The following BCAN variants were observed in gnomAD, a reference collection of about 807,000 sequenced individuals.
BCAN encodes the protein brevican core protein.
A neutral mutation model predicts 92.4 loss-of-function variants in BCAN; 51 were observed. The observed-to-expected ratio is 0.55, with a 90% CI of 0.44 to 0.70. BCAN has a LOEUF of 0.70. Ranked by LOEUF, BCAN falls within the 30% of genes least tolerant of loss-of-function variation. The pLI is 0.00. For synonymous variants in BCAN, 501 were observed against 505.2 expected (o/e 0.99, Z 0.11); for missense variants, 1,140 against 1,212.1 (o/e 0.94, Z 0.88).
Position 156,647,668 on chromosome 1 carries a change from G to A in BCAN, c.627G>A (p.Ser209=), listed in dbSNP as rs143146021. ...AGCAATGTGATGCTGGCTGGCTGTC[G>A]GATCAGACCGTGAGGTGGGCAGGGG... The part of the protein sequence containing the change: ...GYEQCDAGWL[S]DQTVRYPIQT... The change falls in exon 4 of 14, where the codon TCG becomes TCA. Residue 209 remains serine (S), a synonymous_variant. Transcript: ENST00000329117. The surrounding 1 kb of genome is among the most constrained non-coding windows in gnomAD (Gnocchi z 4.8). The A allele has an allele frequency of 7.0e-5, 111 of 1,594,198 alleles. No individual in the cohort carries two copies. In the East Asian group the frequency reaches 1.0e-3, roughly 14 times the overall value.
At chr1:156,657,230 T>C (rs1012820909) in intron 10 of BCAN, 134 bp downstream of exon 10, 127 of 1,128,016 alleles carry the variant, frequency 1.1e-4, no homozygotes, top group Non-Finnish European at 1.5e-4. Flanking sequence ...CACTCATTCG[T>C]TCACTCCCCT....
In BCAN at chr1:156,647,905, T is replaced by C; in HGVS notation, c.642-78T>C. On this transcript the variant is annotated intron_variant, in intron 4 of 13. Coordinates refer to ENST00000329117, the MANE Select transcript of BCAN (RefSeq NM_021948.5). This position sits in a 1 kb window ranked among gnomAD's most constrained non-coding sequence, Gnocchi z 4.8. The stretch of plus-strand genomic sequence containing the variant: ...GCAAGTGTCTGCACTGTGGTGGCAG[T>C]GGGGTTCAATAGAATCAATATGGGC... 6.3e-7 allele frequency: 1 copy of C among 1,594,894 alleles called. No homozygotes were observed. Among genetic ancestry groups the C allele is most frequent in the Non-Finnish European group, 8.6e-7 (1 of 1,163,040 alleles).
In BCAN at chr1:156,657,731, T is replaced by C. The variant is rs902116260; in HGVS notation, c.2266T>C (p.Phe756Leu). 12 of 1,612,664 alleles carry C rather than the reference T, an allele frequency of 7.4e-6. No homozygotes were observed. Among genetic ancestry groups the C allele is most frequent in the Non-Finnish European group, 8.5e-6 (10 of 1,179,454 alleles). The change falls in exon 11 of 14, where the codon TTC becomes CTC. Residue 756 changes from phenylalanine (F) to leucine (L), a missense_variant. Phe to Leu is a conservative substitution (Grantham distance 22). Around this residue, in one of 3 missense-constraint regions of BCAN, gnomAD observed 825 missense variants for 871.8 expected, o/e 0.95. Transcript: ENST00000329117. ...CAACGACAGGACCATCGAAGGCGAC[T>C]TCTTGTGGTCGGATGGCGTCCCCCT... is the stretch of plus-strand genomic sequence containing the variant. ...GLNDRTIEGD[F>L]LWSDGVPLLY...
chr1:156,651,741 C>A, intron 7 of BCAN, 52 bp downstream of exon 7: 4 of 1,490,376 alleles, frequency 2.7e-6, no homozygotes, highest in South Asian at 1.3e-5. Context: ...AAGTTGGGGG[C>A]AGAAGAGGCA....
intron 10 of BCAN, 46 bp downstream of exon 10, chr1:156,657,142 ACT>A (rs775829406): frequency 7.5e-6 from 12 of 1,590,920 alleles, no homozygotes; most frequent in East Asian, 2.3e-5. Flanking sequence ...ATATGCTCTC[ACT>A]CTCTCTCACT....
intron 8 of BCAN, chr1:156,653,276 G>A (rs1173699771): frequency 1.7e-6 from 2 of 1,153,386 alleles, no homozygotes; most frequent in African/African-American, 1.6e-5. Context: ...TCATCCGCCT[G>A]TGTGCCGTCC....
chr1:156,643,635 C>CACACACACAGAG (rs549293956), intron 1 of BCAN: 16 of 103,856 alleles, frequency 1.5e-4, no homozygotes, highest in African/African-American at 5.6e-4. Flanking sequence ...CACACACACA[C>CACACACACAGAG]AGAGAGAGAG....
intron 11 of BCAN, among the ~76,000 whole-genome samples, 184 bp downstream of exon 11, chr1:156,657,941 C>T (rs972669191): frequency 1.3e-5 from 2 of 151,826 alleles, no homozygotes; most frequent in African/African-American, 4.8e-5. Context: ...TCCCTTCTGG[C>T]TCCCATTCTC....
intron 7 of BCAN, 104 bp downstream of exon 7, chr1:156,651,793 C>T: frequency 1.9e-6 from 2 of 1,058,754 alleles, no homozygotes; most frequent in Non-Finnish European, 2.7e-6. Context: ...ATGACTCTGC[C>T]CTGTCCTTTC....
chr1:156,652,492 C>A lies in BCAN; in HGVS notation c.1542C>A (p.Val514=), dbSNP rs756058000. ...ESLSQAPARA[V]LQPGASPLPD... is the part of the protein sequence containing the mutation. ...TCTCCCAGGCGCCAGCAAGGGCAGT[C>A]CTGCAGCCTGGTGCATCACCACTTC... Residue 514 remains valine, a synonymous_variant, in exon 8 of 14, where the codon GTC becomes GTA. Transcript: ENST00000329117. The A allele has an allele frequency of 6.2e-7, 1 of 1,608,442 alleles. No homozygotes were observed. The highest frequency in any genetic ancestry group is 8.5e-7 in the Non-Finnish European group (1 of 1,177,218).
Position 156,648,845 on chromosome 1 carries a change from C to T in BCAN, c.1047C>T (p.Asn349=), listed in dbSNP as rs376506031. The T allele has an allele frequency of 3.3e-5, 52 of 1,568,774 alleles. No homozygotes were observed. The highest frequency in any genetic ancestry group is 1.7e-4 in the Middle Eastern group (1 of 5,912). ...TCCCCAATAAGCACAGCCGCTTCAA[C>T]GTCTACTGCTTCCGAGGTGAGCCCA... is the stretch of plus-strand genomic sequence containing the variant. ...TGFPNKHSRF[N]VYCFRDSAQP... Residue 349 remains asparagine, a synonymous_variant, in exon 6 of 14, where the codon AAC becomes AAT. Coordinates refer to ENST00000329117, the MANE Select transcript of BCAN (RefSeq NM_021948.5).
chr1:156,658,564 A>T lies in BCAN; in HGVS notation c.2459A>T (p.Glu820Val). 1 of 1,613,846 alleles carries T rather than the reference A, an allele frequency of 6.2e-7. No homozygotes were observed. Among genetic ancestry groups the T allele is most frequent in the Non-Finnish European group, 8.5e-7 (1 of 1,179,994 alleles). ...GCAGTGTCCTGTGGGCCGCCACCGG[A>T]GCTGCCCCTGGCTCAAGTGTTCGGC... ...MGLVSCGPPP[E>V]LPLAQVFGRP... is the part of the protein sequence containing the mutation. The change falls in exon 13 of 14, where the codon GAG (glutamate) becomes GTG (valine). Residue 820 changes from glutamate (E) to valine (V), a missense_variant. Physicochemically the swap from Glu to Val is moderately radical, Grantham distance 121 (BLOSUM62 -2). Transcript: ENST00000329117. This position sits in a 1 kb window ranked among gnomAD's most constrained non-coding sequence, Gnocchi z 4.4.
chr1:156,646,391 G>A (rs1168754819), intron 2 of BCAN: 1 of 511,132 alleles, frequency 2.0e-6, no homozygotes, highest in East Asian at 3.0e-5. Context: ...GGATCCTGAA[G>A]CTAGGAGGTG....
Position 156,652,758 on chromosome 1 carries a change from G to A in BCAN, c.1808G>A (p.Gly603Asp). The A allele has an allele frequency of 5.0e-6, 8 of 1,610,158 alleles. No homozygotes were observed. Among genetic ancestry groups the A allele is most frequent in the Non-Finnish European group, 6.8e-6 (8 of 1,177,456 alleles). Residue 603 changes from glycine to aspartate, a missense_variant, in exon 8 of 14, where the codon GGT (glycine) becomes GAT (aspartate). Transcript: ENST00000329117. ...CTTCCAGCCACACGGGCCCCTGAGG[G>A]TACCAGGGAGCTGGAGGCCCCCTCT... ...SLLPATRAPE[G>D]TRELEAPSED...
At position 156,651,330 on chromosome 1, in the gene BCAN, T is replaced by C. The variant is rs116631870; in HGVS notation, c.1064-126T>C. On this transcript the variant is annotated intron_variant, in intron 6 of 13. Coordinates refer to ENST00000329117, the MANE Select transcript of BCAN (RefSeq NM_021948.5). ...AGTGACGAAGTTCTGGGATGCTCCCTGGGCCCCAGTAGGTGCTCCACAGGG... is the reference window on the plus strand; with the variant it reads ...AGTGACGAAGTTCTGGGATGCTCCCCGGGCCCCAGTAGGTGCTCCACAGGG... 6.3e-4 allele frequency: 554 copies of C among 880,986 alleles called. No individual in the cohort carries two copies. In the African/African-American group the frequency reaches 8.7e-3, roughly 14 times the overall value. The allele number at this position is 880,986 out of a possible 1,614,324, so 54.6% of individuals were successfully genotyped here.
Position 156,657,117 on chromosome 1 carries a change from G to A in BCAN, c.2209+21G>A, listed in dbSNP as rs770141873. Reference sequence around the variant, plus strand: ...CAACAGTGGGCTGGGAGACAGGGCGGGAGGGGCCCCTGCCATATGCTCTCA... The same window carrying A: ...CAACAGTGGGCTGGGAGACAGGGCGAGAGGGGCCCCTGCCATATGCTCTCA... On this transcript the variant is annotated intron_variant, in intron 10 of 13. Transcript: ENST00000329117. The A allele has an allele frequency of 2.5e-6, 4 of 1,604,770 alleles. No individual in the cohort carries two copies. In the South Asian group the frequency reaches 4.4e-5, roughly 18 times the overall value.
At chr1:156,657,413 A>T (rs1679372457) in intron 10 of BCAN, 2 of 540,328 alleles carry the variant, frequency 3.7e-6, no homozygotes, top group Non-Finnish European at 6.5e-6. Flanking sequence ...TCCAACTCCA[A>T]CTCCAATCTT....
chr1:156,643,015 G>C (rs1678841565), intron 1 of BCAN: 1 of 152,156 alleles, frequency 6.6e-6, no homozygotes, highest in Non-Finnish European at 1.5e-5. Flanking sequence ...CCCTCTCCCA[G>C]GTATTTCCAT....
intron 5 of BCAN, 47 bp from the exon 6 acceptor site, chr1:156,648,521 A>C: frequency 6.5e-7 from 1 of 1,529,944 alleles, no homozygotes; most frequent in Non-Finnish European, 8.9e-7. Context: ...CCAGAGTGGA[A>C]GGAGCTACCA....
Sources: gnomAD v4.1 joint callset for allele counts (sites outside exome capture counted in the v4.1 genomes callset) on GRCh38, gnomAD v4.1.1 for gene constraint, gnomAD v4.1.1 regional missense constraint, Gnocchi (gnomAD v3.1) non-coding constraint, MANE v1.5 for transcripts, NCBI Gene and HGNC (gene_info 2026-07-23, HGNC 2026-07-21) for gene names.